NDUFA10: variants seen among roughly 807,000 people sequenced by gnomAD.
The protein encoded by NDUFA10 is NADH:ubiquinone oxidoreductase subunit A10, also known as NADH dehydrogenase [ubiquinone] 1 alpha subcomplex subunit 10, mitochondrial.
A neutral mutation model predicts 47.8 loss-of-function variants in NDUFA10; 40 were observed. That is an observed-to-expected ratio of 0.84 (90% confidence interval 0.65 to 1.09). The LOEUF (loss-of-function observed/expected upper bound fraction) is 1.09. Among genes scored for constraint, NDUFA10 ranks in the 50% least tolerant of loss-of-function variants. NDUFA10 has a pLI of 0.00. For missense variants in NDUFA10, 413 were observed against 451.1 expected (o/e 0.92, Z 0.76); for synonymous variants, 183 against 172.2 (o/e 1.06, Z -0.49).
Position 240,021,340 on chromosome 2 carries a change from G to T in NDUFA10, c.317C>A (p.Thr106Asn). Residue 106 changes from threonine to asparagine, a missense_variant, in exon 3 of 10, where the codon ACC (threonine) becomes AAC (asparagine). Coordinates refer to ENST00000252711, the MANE Select transcript of NDUFA10 (RefSeq NM_004544.4). ...STTGDGKPLATDYNGNCSLEK... is the reference protein window; with the variant it reads ...STTGDGKPLANDYNGNCSLEK... ...CAAACTACAGTTGCCATTATAGTCG[G>T]TGGCGAGGGGCTTCCCATCTCCTGT... The T allele has an allele frequency of 1.2e-6, 2 of 1,614,212 alleles. No individual in the cohort carries two copies. The highest frequency in any genetic ancestry group is 1.7e-6 in the Non-Finnish European group (2 of 1,180,040).
Position 239,960,061 on chromosome 2 carries a change from A to T in NDUFA10, c.*1057T>A. ...CCAATTTTAAACTCTATTACATTTTAGCTCATTTAAATTTCAATACCCACA... is the reference window on the plus strand; with the variant it reads ...CCAATTTTAAACTCTATTACATTTTTGCTCATTTAAATTTCAATACCCACA... On this transcript the variant is annotated 3_prime_UTR_variant, in exon 10 of 10. Coordinates refer to ENST00000252711, the MANE Select transcript of NDUFA10 (RefSeq NM_004544.4). 2.0e-6 allele frequency: 2 copies of T among 985,158 alleles called. No homozygotes were observed. Among genetic ancestry groups the T allele is most frequent in the Non-Finnish European group, 2.4e-6 (2 of 829,676 alleles). The allele number at this position is 985,158 out of a possible 1,614,324, so 61.0% of individuals were successfully genotyped here. A position where few individuals can be genotyped will look rare whatever the true frequency, so the allele number is the denominator to read the frequency against.
chr2:240,006,042 C>A (rs1021471400), intron 7 of NDUFA10, among the ~76,000 whole-genome samples: 12 of 152,234 alleles, frequency 7.9e-5, no homozygotes, highest in Non-Finnish European at 1.8e-4. Flanking sequence ...TGGCTGTCTA[C>A]ACAGTCTGAC....
chr2:239,962,458 C>T (rs1310631864), intron 9 of NDUFA10, among the ~76,000 whole-genome samples: 1 of 152,110 alleles, frequency 6.6e-6, no homozygotes, highest in Non-Finnish European at 1.5e-5. Context: ...GCAGACAGGT[C>T]GCCCCAAGAC....
chr2:239,903,995 CCCTGG>C (rs1693600396), intron 4 of NDUFA10, among the ~76,000 whole-genome samples: 6 of 152,204 alleles, frequency 3.9e-5, no homozygotes, highest in Admixed American at 1.3e-4. Context: ...AGTCCAGACG[CCCTGG>C]ATGATGCAGG....
At chr2:239,973,288 T>C (rs1210439053) in intron 9 of NDUFA10, among the ~76,000 whole-genome samples, 2 of 152,186 alleles carry the variant, frequency 1.3e-5, no homozygotes, top group Non-Finnish European at 2.9e-5. Context: ...CTGAATGTCA[T>C]GAGGAACCTA....
rs1694102285 is a variant in NDUFA10, at chr2:239,928,499, TC to T, written c.295-33186del. 6.6e-6 allele frequency among the ~76,000 whole-genome samples: 1 copy of T among 152,198 alleles called. No individual in the cohort carries two copies. Among genetic ancestry groups the T allele is most frequent in the Non-Finnish European group, 1.5e-5 (1 of 68,042 alleles). On this transcript the variant is annotated intron_variant, in intron 4 of 5. Transcript: ENST00000419408. The surrounding 1 kb of genome is among the most constrained non-coding windows in gnomAD (Gnocchi z 4.3). Reference sequence around the variant, plus strand: ...GAAATCCCCCGAATCCACGCCAGACTCCTCGGCCCTGGCCCACCGCGAGCCG... The same window carrying T: ...GAAATCCCCCGAATCCACGCCAGACTCTCGGCCCTGGCCCACCGCGAGCCG...
intron 4 of NDUFA10, among the ~76,000 whole-genome samples, chr2:239,915,045 A>G (rs954847715): frequency 1.6e-4 from 24 of 149,886 alleles, no homozygotes; most frequent in Non-Finnish European, 2.8e-4. Context: ...CACAGAACAC[A>G]CACATACACA....
chr2:239,947,885 C>CAGGACGGCTG (rs1365329318), intron 4 of NDUFA10, among the ~76,000 whole-genome samples: 4 of 152,228 alleles, frequency 2.6e-5, no homozygotes, highest in African/African-American at 9.6e-5. Context: ...TTCAGACTTT[C>CAGGACGGCTG]AGGACGGCCA....
chr2:239,985,156 C>G (rs2106435132), intron 9 of NDUFA10, among the ~76,000 whole-genome samples: 1 of 152,242 alleles, frequency 6.6e-6, no homozygotes, highest in Non-Finnish European at 1.5e-5. Flanking sequence ...CACCAAACGC[C>G]AAGATTAAAC....
chr2:239,901,907 C>A (rs1425299805), intron 4 of NDUFA10, among the ~76,000 whole-genome samples: 1 of 152,072 alleles, frequency 6.6e-6, no homozygotes, highest in African/African-American at 2.4e-5. Flanking sequence ...GAGCTAGAAT[C>A]AGAAGTGGAG....
At chr2:239,943,772 TGA>T (rs1465787274) in intron 4 of NDUFA10, among the ~76,000 whole-genome samples, 1 of 151,944 alleles carries the variant, frequency 6.6e-6, no homozygotes, top group Non-Finnish European at 1.5e-5. Context: ...ACACAGAGAC[TGA>T]GAGATGAGCA....
intron 7 of NDUFA10, 108 bp downstream of exon 7, chr2:240,007,208 T>A (rs150716883): frequency 2.1e-5 from 17 of 828,878 alleles, no homozygotes; most frequent in African/African-American, 1.8e-4. Context: ...GATAAAACAG[T>A]GATGTTTGTT....
At position 239,905,154 on chromosome 2, in the gene NDUFA10, C is replaced by T. The variant is rs558992006; in HGVS notation, c.295-9840G>A. Among the ~76,000 whole-genome samples, 15 of 152,270 alleles carry T rather than the reference C, an allele frequency of 9.9e-5. No homozygotes were observed. The East Asian group carries it at 2.3e-3, about 24-fold the overall frequency. ...ATAAACTCACTGGATCCTTCCCAGC[C>T]CAGGGGGTTGAACGCAATGTGTGCC... is the stretch of plus-strand genomic sequence containing the variant. On this transcript the variant is annotated intron_variant, in intron 4 of 5. Coordinates refer to the NDUFA10 transcript ENST00000419408.
At chr2:239,915,520 C>CAG (rs1183841110) in intron 4 of NDUFA10, among the ~76,000 whole-genome samples, 19 of 118,418 alleles carry the variant, frequency 1.6e-4, no homozygotes, top group African/African-American at 6.2e-4. Flanking sequence ...CAGACACACA[C>CAG]AGACAGATAC....
chr2:239,942,496 C>A (rs942547387), intron 4 of NDUFA10, among the ~76,000 whole-genome samples: 1 of 152,212 alleles, frequency 6.6e-6, no homozygotes, highest in South Asian at 2.1e-4. Context: ...GACACTGTTT[C>A]GGTTCTGTTT....
intron 9 of NDUFA10, among the ~76,000 whole-genome samples, chr2:239,966,946 C>T (rs896958339): frequency 2.0e-5 from 3 of 149,120 alleles, no homozygotes; most frequent in African/African-American, 5.0e-5. Context: ...GAATTGGAGC[C>T]GTGTCCCCTG....
At chr2:239,962,210 T>TACACACACACACACACACACAC (rs59356951) in intron 9 of NDUFA10, among the ~76,000 whole-genome samples, 1 of 149,544 alleles carries the variant, frequency 6.7e-6, no homozygotes, top group African/African-American at 2.5e-5. Context: ...TCAATTTGTG[T>TACACACACACACACACACACAC]ACACACACAC....
At chr2:239,999,202 C>T (rs961093120) in intron 8 of NDUFA10, among the ~76,000 whole-genome samples, 1 of 152,350 alleles carries the variant, frequency 6.6e-6, no homozygotes, top group Admixed American at 6.5e-5. Flanking sequence ...ATGGTCATCA[C>T]CGCACAATGA....
At chr2:239,932,150 T>A (rs1353506744) in intron 4 of NDUFA10, among the ~76,000 whole-genome samples, 1 of 152,134 alleles carries the variant, frequency 6.6e-6, no homozygotes, top group Non-Finnish European at 1.5e-5. Context: ...TCTGCTCCTT[T>A]AATCACACAT....
Sources: gnomAD v4.1 joint callset for allele counts (sites outside exome capture counted in the v4.1 genomes callset) on GRCh38, gnomAD v4.1.1 for gene constraint, Gnocchi (gnomAD v3.1) non-coding constraint, MANE v1.5 for transcripts, NCBI Gene and HGNC (gene_info 2026-07-23, HGNC 2026-07-21) for gene names.